KLHL1: variants seen among roughly 807,000 people sequenced by gnomAD.
The protein encoded by KLHL1 is kelch-like protein 1.
In KLHL1, 47 loss-of-function variants were observed where a neutral mutation model predicts 77.7. That is an observed-to-expected ratio of 0.60 (90% CI 0.48 to 0.77). The LOEUF (loss-of-function observed/expected upper bound fraction) is 0.77. KLHL1 is among the 30% of genes least tolerant of loss of function. The probability of loss-of-function intolerance (pLI) is 0.00; values close to 1 mark genes in which losing one functional copy is unlikely to be tolerated. For missense variants in KLHL1, 925 were observed against 910.8 expected, an observed-to-expected ratio of 1.02 and a Z score of -0.20; for synonymous variants, 360 against 325.2, an observed-to-expected ratio of 1.11 and a Z score of -1.15.
intron 7 of KLHL1, among the ~76,000 whole-genome samples, chr13:69,768,385 A>G (rs1245211666): frequency 6.6e-6 from 1 of 152,170 alleles, no homozygotes; most frequent in Non-Finnish European, 1.5e-5. Flanking sequence ...TGGACATTCA[A>G]TTAATGCATG....
intron 3 of KLHL1, among the ~76,000 whole-genome samples, chr13:69,950,070 C>A (rs763845025): frequency 2.9e-4 from 44 of 151,624 alleles, no homozygotes; most frequent in Non-Finnish European, 4.6e-4. Context: ...ATGCCTTCCA[C>A]CCACAAGAAA....
At chr13:69,866,720 C>T (rs972223376) in intron 5 of KLHL1, among the ~76,000 whole-genome samples, 1 of 152,006 alleles carries the variant, frequency 6.6e-6, no homozygotes, top group African/African-American at 2.4e-5. Context: ...CATGAAATGC[C>T]TTTGTAATGA....
intron 4 of KLHL1, among the ~76,000 whole-genome samples, chr13:69,931,678 G>A (rs1593960743): frequency 6.6e-6 from 1 of 151,724 alleles, no homozygotes. Context: ...ATAGTATGGT[G>A]ATACTTCAAT....
intron 7 of KLHL1, among the ~76,000 whole-genome samples, chr13:69,762,172 TC>T: frequency 6.6e-6 from 1 of 152,230 alleles, no homozygotes; most frequent in South Asian, 2.1e-4. Context: ...AGTACTTACT[TC>T]CCTAGACAAG....
At chr13:69,838,842 T>A (rs1314524401) in intron 6 of KLHL1, 134 bp downstream of exon 6, 1 of 512,160 alleles carries the variant, frequency 2.0e-6, no homozygotes, top group African/African-American at 2.0e-5. Context: ...AGATATTTAA[T>A]TTCTCCCTTA....
intron 8 of KLHL1, among the ~76,000 whole-genome samples, chr13:69,723,288 G>A (rs186789089): frequency 1.9e-4 from 29 of 152,198 alleles, no homozygotes; most frequent in Admixed American, 1.7e-3. Flanking sequence ...TAACAATAAT[G>A]CATTGCATAG....
intron 1 of KLHL1, among the ~76,000 whole-genome samples, chr13:70,097,209 T>C (rs1480383862): frequency 6.6e-6 from 1 of 152,032 alleles, no homozygotes; most frequent in Non-Finnish European, 1.5e-5. Context: ...CAAGAGTTTG[T>C]ACTTAACAAG....
At chr13:70,030,781 T>A (rs1306253338) in intron 1 of KLHL1, among the ~76,000 whole-genome samples, 1 of 152,092 alleles carries the variant, frequency 6.6e-6, no homozygotes, top group Non-Finnish European at 1.5e-5. Context: ...TAAAAAACCC[T>A]TCAAAAAATC....
chr13:70,015,061 A>T (rs1384616694), intron 1 of KLHL1, among the ~76,000 whole-genome samples: 3 of 152,184 alleles, frequency 2.0e-5, no homozygotes, highest in Non-Finnish European at 4.4e-5. Flanking sequence ...TACAAACATG[A>T]TCAGAATTCA....
intron 8 of KLHL1, among the ~76,000 whole-genome samples, chr13:69,737,682 C>A (rs533131715): frequency 6.6e-6 from 1 of 152,274 alleles, no homozygotes; most frequent in African/African-American, 2.4e-5. Flanking sequence ...CTAGAGGGGG[C>A]CTCCCCATGG....
intron 8 of KLHL1, among the ~76,000 whole-genome samples, chr13:69,737,472 T>G (rs1328740971): frequency 6.6e-6 from 1 of 152,186 alleles, no homozygotes; most frequent in Non-Finnish European, 1.5e-5. Context: ...GGCTAGAGAC[T>G]GCCTAAGAAG....
intron 1 of KLHL1, among the ~76,000 whole-genome samples, chr13:70,080,487 G>T (rs1011159277): frequency 2.0e-5 from 3 of 152,050 alleles, no homozygotes; most frequent in Admixed American, 6.6e-5. Context: ...TTTTCACAAG[G>T]TTCATATTAA....
chr13:70,080,987 C>A (rs1247651430), intron 1 of KLHL1, among the ~76,000 whole-genome samples: 1 of 152,286 alleles, frequency 6.6e-6, no homozygotes, highest in Non-Finnish European at 1.5e-5. Flanking sequence ...TCAGAGACTT[C>A]TCTTCCCAAA....
At chr13:70,066,586 T>C (rs1412382832) in intron 1 of KLHL1, among the ~76,000 whole-genome samples, 1 of 152,236 alleles carries the variant, frequency 6.6e-6, no homozygotes, top group African/African-American at 2.4e-5. Flanking sequence ...CATGGATTCA[T>C]AGTCCTTCGT....
chr13:70,060,988 T>A (rs2501213), intron 1 of KLHL1, among the ~76,000 whole-genome samples: 2 of 152,030 alleles, frequency 1.3e-5, no homozygotes. Context: ...ACACAAAGAC[T>A]AAGTTCAGAT....
intron 1 of KLHL1, among the ~76,000 whole-genome samples, chr13:70,054,972 G>T (rs958306556): frequency 6.6e-6 from 1 of 151,810 alleles, no homozygotes; most frequent in African/African-American, 2.4e-5. Flanking sequence ...TTGGCCTTAG[G>T]GAGGAGATAG....
intron 1 of KLHL1, among the ~76,000 whole-genome samples, chr13:70,073,957 C>T (rs1277552303): frequency 6.6e-6 from 1 of 151,850 alleles, no homozygotes; most frequent in Non-Finnish European, 1.5e-5. Flanking sequence ...TCCAGAGTAA[C>T]TGGGATTATG....
intron 8 of KLHL1, among the ~76,000 whole-genome samples, chr13:69,730,108 T>G (rs2137912385): frequency 6.6e-6 from 1 of 152,304 alleles, no homozygotes; most frequent in East Asian, 1.9e-4. Flanking sequence ...GACTCTGCGT[T>G]AAATATTTTC....
At chr13:69,711,166 A>G (rs1875859812) in intron 9 of KLHL1, among the ~76,000 whole-genome samples, 2 of 152,126 alleles carry the variant, frequency 1.3e-5, no homozygotes, top group Admixed American at 6.6e-5. Flanking sequence ...TTTTAAATAT[A>G]AAAACATTAC....
Sources: gnomAD v4.1 joint callset for allele counts (sites outside exome capture counted in the v4.1 genomes callset) on GRCh38, gnomAD v4.1.1 for gene constraint, MANE v1.5 for transcripts, NCBI Gene and HGNC (gene_info 2026-07-23, HGNC 2026-07-21) for gene names.